The following ITM2C variants were observed in gnomAD, a reference collection of about 807,000 sequenced individuals.
ITM2C encodes the protein BRICHOS domain containing 2C.
ITM2C carries 20 observed loss-of-function variants against 30.0 expected under a neutral mutation model. The observed-to-expected ratio is 0.67, with a 90% CI of 0.47 to 0.97. The LOEUF is 0.97. Among genes scored for constraint, ITM2C ranks in the 50% least tolerant of loss-of-function variants. The pLI is 0.00. For missense variants in ITM2C, 366 were observed against 371.9 expected, an observed-to-expected ratio of 0.98 and a Z score of 0.13; for synonymous variants, 167 against 156.4, an observed-to-expected ratio of 1.07 and a Z score of -0.51.
chr2:230,875,449 T>C (rs1015762198), intron 2 of ITM2C, among the ~76,000 whole-genome samples, 171 bp from the exon 3 acceptor site: 1 of 152,200 alleles, frequency 6.6e-6, no homozygotes, highest in African/African-American at 2.4e-5. Context: ...CCTGACCTGA[T>C]GCCCCACCGT....
chr2:230,877,074 G>A lies in ITM2C; in HGVS notation c.561+107G>A, dbSNP rs1697321285. The A allele has an allele frequency of 1.2e-6, 1 of 823,036 alleles. No individual in the cohort carries two copies. The highest frequency in any genetic ancestry group is 2.0e-6 in the Non-Finnish European group (1 of 496,928). 51.0% of individuals were successfully genotyped at this position (823,036 alleles called of 1,614,324 possible). A position where few individuals can be genotyped will look rare whatever the true frequency, so the allele number is the denominator to read the frequency against. ...AGGAAGTTCCTGTGTCAGGGGTTGG[G>A]GGAGCAAGAGACATTGCTGGCACCT... is the stretch of plus-strand genomic sequence containing the variant. On this transcript the variant is annotated intron_variant, in intron 4 of 5. Transcript: ENST00000326427. This position sits in a 1 kb window ranked among gnomAD's most constrained non-coding sequence, Gnocchi z 4.8.
At chr2:230,872,351 G>A (rs1419085083) in intron 1 of ITM2C, among the ~76,000 whole-genome samples, 1 of 152,236 alleles carries the variant, frequency 6.6e-6, no homozygotes, top group Non-Finnish European at 1.5e-5. Flanking sequence ...CCCGGGGGAA[G>A]GCATAGGAGG....
At chr2:230,873,029 G>T (rs1428996898) in intron 1 of ITM2C, among the ~76,000 whole-genome samples, 1 of 152,120 alleles carries the variant, frequency 6.6e-6, no homozygotes, top group East Asian at 1.9e-4. Flanking sequence ...AAGTCACCGA[G>T]GCCAGGTCGG....
Position 230,865,040 on chromosome 2 carries a change from C to T in ITM2C, c.15C>T (p.Ser5=). 6.6e-7 allele frequency: 1 copy of T among 1,525,990 alleles called. No homozygotes were observed. The highest frequency in any genetic ancestry group is 1.9e-5 in the Admixed American group (1 of 52,450). 94.5% of individuals were successfully genotyped at this position (1,525,990 alleles called of 1,614,324 possible). ...CCGGCGCAGCCATGGTGAAGATTAG[C>T]TTCCAGCCCGCCGTGGCTGGCATCA... MVKI[S]FQPAVAGIKG... is the part of the protein sequence containing the mutation. Residue 5 remains serine, a synonymous_variant, in exon 1 of 6, where the codon AGC becomes AGT. Coordinates refer to ENST00000326427, the MANE Select transcript of ITM2C (RefSeq NM_030926.6). The surrounding 1 kb of genome is among the most constrained non-coding windows in gnomAD (Gnocchi z 6.8).
intron 1 of ITM2C, 38 bp from the exon 2 acceptor site, chr2:230,873,379 G>T: frequency 6.8e-7 from 1 of 1,476,992 alleles, no homozygotes; most frequent in African/African-American, 1.4e-5. Flanking sequence ...CCAGGGGAGG[G>T]GCCCTGGCCC....
At position 230,877,215 on chromosome 2, in the gene ITM2C, C is replaced by T. The variant is rs566295561; in HGVS notation, c.562-185C>T. On this transcript the variant is annotated intron_variant, in intron 4 of 5. Coordinates refer to ENST00000326427, the MANE Select transcript of ITM2C (RefSeq NM_030926.6). The surrounding 1 kb of genome is among the most constrained non-coding windows in gnomAD (Gnocchi z 4.8). ...CAAGGTTGTACCCTGGGTACGGACT[C>T]GTGCGCATGCCATTGCTCCTGGCAG... 2.6e-5 allele frequency among the ~76,000 whole-genome samples: 4 copies of T among 152,316 alleles called. No homozygotes were observed. The East Asian group carries it at 5.8e-4, about 22-fold the overall frequency.
In ITM2C at chr2:230,875,715, A is replaced by C; in HGVS notation, c.357A>C (p.Lys119Asn). 6.2e-7 allele frequency: 1 copy of C among 1,613,620 alleles called. No homozygotes were observed. Among genetic ancestry groups the C allele is most frequent in the East Asian group, 2.2e-5 (1 of 44,848 alleles). ...AGATGGAGCTGGAAGAGGATGTGAA[A>C]ATCTACCTCGACGAGAACTACGAGC... ...RTQMELEEDVKIYLDENYERI... is the reference protein window; with the variant it reads ...RTQMELEEDVNIYLDENYERI... The change falls in exon 3 of 6, where the codon AAA becomes AAC. Residue 119 changes from lysine (K) to asparagine (N), a missense_variant. Lys to Asn is a moderately conservative substitution (Grantham distance 94). Transcript: ENST00000326427.
intron 3 of ITM2C, 54 bp from the exon 4 acceptor site, chr2:230,876,803 C>A: frequency 8.0e-7 from 1 of 1,248,082 alleles, no homozygotes; most frequent in Non-Finnish European, 1.2e-6. Flanking sequence ...TGCAGCCCTG[C>A]CTGGGTCAGC....
At position 230,865,109 on chromosome 2, in the gene ITM2C, G is replaced by C. The variant is rs753708282; in HGVS notation, c.84G>C (p.Pro28=). Residue 28 remains proline, a synonymous_variant, in exon 1 of 6, where the codon CCG becomes CCC. Transcript: ENST00000326427. This position sits in a 1 kb window ranked among gnomAD's most constrained non-coding sequence, Gnocchi z 6.8. ...AGGCGTCGGCGTCGGCCCCTGCGCC[G>C]GCCTCGGCCACCGAGATCCTGCTGA... ...ADKASASAPA[P]ASATEILLTP... The C allele has an allele frequency of 6.6e-7, 1 of 1,510,866 alleles. No homozygotes were observed. Among genetic ancestry groups the C allele is most frequent in the Non-Finnish European group, 8.9e-7 (1 of 1,124,578 alleles). 93.6% of individuals were successfully genotyped at this position (1,510,866 alleles called of 1,614,324 possible).
chr2:230,872,054 G>A (rs747825728), intron 1 of ITM2C, among the ~76,000 whole-genome samples: 2 of 152,232 alleles, frequency 1.3e-5, no homozygotes, highest in African/African-American at 4.8e-5. Context: ...ACGCCTGGCC[G>A]GAAAGGGCCT....
intron 1 of ITM2C, chr2:230,873,141 A>G: frequency 2.6e-6 from 1 of 378,932 alleles, no homozygotes; most frequent in Non-Finnish European, 4.7e-6. Context: ...TGCTGAACCC[A>G]CTGCATCTCT....
Position 230,865,290 on chromosome 2 carries a change from C to T in ITM2C, c.120+145C>T. 1.2e-6 allele frequency: 1 copy of T among 866,424 alleles called. No homozygotes were observed. The highest frequency in any genetic ancestry group is 4.4e-5 in the South Asian group (1 of 22,874). 53.7% of individuals were successfully genotyped at this position (866,424 alleles called of 1,614,324 possible). ...AGGGTTGGGAAGTCTCGAATGGTTG[C>T]TTATCCCAGAATGAGGAGGGGGCTT... On this transcript the variant is annotated intron_variant, in intron 1 of 5. Transcript: ENST00000326427. The surrounding 1 kb of genome is among the most constrained non-coding windows in gnomAD (Gnocchi z 6.8).
In ITM2C at chr2:230,878,242, C is replaced by T. The variant is rs905546462; in HGVS notation, c.*143C>T. On this transcript the variant is annotated 3_prime_UTR_variant, in exon 6 of 6. Transcript: ENST00000326427. This position sits in a 1 kb window ranked among gnomAD's most constrained non-coding sequence, Gnocchi z 4.5. ...CATGTCTCTCCATTCCTCTCCAACC[C>T]TGCCCACCTCCCTGTACCAGAGCTG... The T allele has an allele frequency of 1.9e-6, 1 of 517,958 alleles. No individual in the cohort carries two copies. The highest frequency in any genetic ancestry group is 2.0e-5 in the African/African-American group (1 of 50,020). 32.1% of individuals were successfully genotyped at this position (517,958 alleles called of 1,614,324 possible).
intron 3 of ITM2C, 84 bp downstream of exon 3, chr2:230,875,892 T>G: frequency 3.4e-4 from 352 of 1,043,922 alleles, no homozygotes; most frequent in Non-Finnish European, 4.4e-4. Flanking sequence ...GAAAGGAGAC[T>G]CCTCGGAGTA....
In ITM2C at chr2:230,865,104, G is replaced by C; in HGVS notation, c.79G>C (p.Ala27Pro). 6.6e-7 allele frequency: 1 copy of C among 1,516,836 alleles called. No individual in the cohort carries two copies. The highest frequency in any genetic ancestry group is 8.9e-7 in the Non-Finnish European group (1 of 1,127,968). The allele number at this position is 1,516,836 out of a possible 1,614,324, so 94.0% of individuals were successfully genotyped here. ...KADKASASAP[A>P]PASATEILLT... is the part of the protein sequence containing the mutation. The stretch of plus-strand genomic sequence containing the variant: ...TGACAAGGCGTCGGCGTCGGCCCCT[G>C]CGCCGGCCTCGGCCACCGAGATCCT... The change falls in exon 1 of 6, where the codon GCG becomes CCG. Residue 27 changes from alanine to proline, a missense_variant. By Grantham distance (27) the Ala-to-Pro change is conservative. Transcript: ENST00000326427. The surrounding 1 kb of genome is among the most constrained non-coding windows in gnomAD (Gnocchi z 6.8).
At chr2:230,876,758 G>T (rs1469301830) in intron 3 of ITM2C, 99 bp from the exon 4 acceptor site, 1 of 745,458 alleles carries the variant, frequency 1.3e-6, no homozygotes, top group Non-Finnish European at 2.4e-6. Flanking sequence ...GGGATTACAG[G>T]CATGAGCCAC....
chr2:230,876,928 G>C lies in ITM2C; in HGVS notation c.522G>C (p.Leu174=), dbSNP rs771509595. The C allele has an allele frequency of 2.5e-6, 4 of 1,613,934 alleles. No individual in the cohort carries two copies. The highest frequency in any genetic ancestry group is 2.5e-6 in the Non-Finnish European group (3 of 1,179,844). The change falls in exon 4 of 6, where the codon CTG becomes CTC. Residue 174 remains leucine, a synonymous_variant. Transcript: ENST00000326427. ...YVIELNTTIV[L]PPRNFWELLM... is the part of the protein sequence containing the mutation. ...TCGAACTCAACACCACCATTGTGCT[G>C]CCCCCTCGCAACTTCTGGGAGCTCC... is the stretch of plus-strand genomic sequence containing the variant.
intron 3 of ITM2C, 25 bp downstream of exon 3, chr2:230,875,833 TGGGGGGTGGGA>T: frequency 7.4e-6 from 1 of 134,768 alleles, no homozygotes; most frequent in Non-Finnish European, 1.5e-5. Flanking sequence ...GGCCTGGGGG[TGGGGGGTGGGA>T]GGGTGTCCCG....
chr2:230,878,222 C>A lies in ITM2C; in HGVS notation c.*123C>A. 1.7e-6 allele frequency: 1 copy of A among 578,492 alleles called. No homozygotes were observed. The allele number at this position is 578,492 out of a possible 1,614,324, so 35.8% of individuals were successfully genotyped here. ...ACGCGTTTCTATAGAGGTGACATGT[C>A]TCTCCATTCCTCTCCAACCCTGCCC... On this transcript the variant is annotated 3_prime_UTR_variant, in exon 6 of 6. Transcript: ENST00000326427. This position sits in a 1 kb window ranked among gnomAD's most constrained non-coding sequence, Gnocchi z 4.5.
Sources: gnomAD v4.1 joint callset for allele counts (sites outside exome capture counted in the v4.1 genomes callset) on GRCh38, gnomAD v4.1.1 for gene constraint, Gnocchi (gnomAD v3.1) non-coding constraint, MANE v1.5 for transcripts, NCBI Gene and HGNC (gene_info 2026-07-23, HGNC 2026-07-21) for gene names.